FBXW7: variants seen among roughly 807,000 people sequenced by gnomAD.
FBXW7 encodes F-box and WD repeat domain containing 7, also known as F-box/WD repeat-containing protein 7.
A neutral mutation model predicts 86.3 loss-of-function variants in FBXW7; 11 were observed. That is an observed-to-expected ratio of 0.13 (90% CI 0.08 to 0.21). The LOEUF (loss-of-function observed/expected upper bound fraction) is 0.21, where lower values mean the gene tolerates loss of function less well. Among genes scored for constraint, FBXW7 ranks in the 10% least tolerant of loss-of-function variants. The pLI is 1.00. For synonymous variants in FBXW7, 313 were observed against 297.9 expected (o/e 1.05, Z -0.52); for missense variants, 488 against 847.4 (o/e 0.58, Z 5.27).
chr4:152,346,768 T>C (rs1000947637), intron 6 of FBXW7, 162 bp downstream of exon 6: 19 of 855,798 alleles, frequency 2.2e-5, no homozygotes, highest in Admixed American at 5.7e-5. Flanking sequence ...AGAATCAACA[T>C]GTGGCCTTTT....
chr4:152,403,332 G>A (rs975741065), intron 4 of FBXW7, among the ~76,000 whole-genome samples: 1 of 152,038 alleles, frequency 6.6e-6, no homozygotes, highest in Non-Finnish European at 1.5e-5. Flanking sequence ...ACAAAAATTA[G>A]CTGGACGTGG....
At chr4:152,425,922 TG>T (rs1158028766) in intron 2 of FBXW7, among the ~76,000 whole-genome samples, 1 of 152,134 alleles carries the variant, frequency 6.6e-6, no homozygotes, top group Non-Finnish European at 1.5e-5. Context: ...CACACAAAAA[TG>T]GACAGTCAGG....
intron 4 of FBXW7, among the ~76,000 whole-genome samples, chr4:152,364,621 T>G (rs528502904): frequency 6.6e-6 from 1 of 152,154 alleles, no homozygotes; most frequent in Non-Finnish European, 1.5e-5. Flanking sequence ...TACACAGGAT[T>G]TTCCATCTGA....
At chr4:152,499,100 T>A (rs1216314840) in intron 2 of FBXW7, among the ~76,000 whole-genome samples, 1 of 151,924 alleles carries the variant, frequency 6.6e-6, no homozygotes, top group Admixed American at 6.6e-5. Context: ...CCAGGAAAAA[T>A]ACCTAAGTCT....
intron 4 of FBXW7, among the ~76,000 whole-genome samples, chr4:152,396,548 C>T (rs1736432514): frequency 6.6e-6 from 1 of 151,990 alleles, no homozygotes; most frequent in African/African-American, 2.4e-5. Context: ...GTCTTCAATC[C>T]ATCAATAGCA....
intron 2 of FBXW7, among the ~76,000 whole-genome samples, chr4:152,474,840 A>G (rs1460142735): frequency 6.6e-6 from 1 of 151,916 alleles, no homozygotes; most frequent in Non-Finnish European, 1.5e-5. Flanking sequence ...TAATTTTTGT[A>G]TTTTCAGTAG....
intron 2 of FBXW7, among the ~76,000 whole-genome samples, chr4:152,514,757 A>G (rs1209919754): frequency 6.6e-6 from 1 of 152,122 alleles, no homozygotes; most frequent in African/African-American, 2.4e-5. Context: ...TGAAGCCCTC[A>G]CCAGAAAGCA....
In FBXW7 at chr4:152,535,567, G is replaced by C. The variant is rs1750464855; in HGVS notation, c.-653C>G. On this transcript the variant is annotated 5_prime_UTR_variant, in exon 1 of 14. Coordinates refer to ENST00000281708, the MANE Select transcript of FBXW7 (RefSeq NM_001349798.2). ...CCGGGGCAAGATGCTACGGCCCCGG[G>C]CGGGTGGCCGAGTCGGCGGCAAGGC... 1 of 396,556 alleles carries C rather than the reference G, an allele frequency of 2.5e-6. No homozygotes were observed. Among genetic ancestry groups the C allele is most frequent in the Admixed American group, 4.4e-5 (1 of 22,652 alleles). 24.6% of individuals were successfully genotyped at this position (396,556 alleles called of 1,614,324 possible).
At chr4:152,526,486 G>C (rs935136110) in intron 2 of FBXW7, among the ~76,000 whole-genome samples, 4 of 151,874 alleles carry the variant, frequency 2.6e-5, no homozygotes, top group African/African-American at 9.7e-5. Flanking sequence ...ACAAAAAAAG[G>C]AATTTTTAAA....
At chr4:152,446,137 C>T (rs1055881968) in intron 2 of FBXW7, among the ~76,000 whole-genome samples, 1 of 152,052 alleles carries the variant, frequency 6.6e-6, no homozygotes, top group African/African-American at 2.4e-5. Context: ...TGAATAAACT[C>T]CCTAATGACA....
At chr4:152,352,652 T>A (rs929223130) in intron 4 of FBXW7, 1 of 1,613,682 alleles carries the variant, frequency 6.2e-7, no homozygotes, top group Non-Finnish European at 8.5e-7. Flanking sequence ...AAAGGAAGAT[T>A]AGGGAGCAGA....
At chr4:152,498,617 C>T (rs574049638) in intron 2 of FBXW7, among the ~76,000 whole-genome samples, 9 of 152,154 alleles carry the variant, frequency 5.9e-5, no homozygotes, top group South Asian at 2.1e-4. Context: ...TCATTTAGTG[C>T]GGAAGCTAAG....
intron 2 of FBXW7, among the ~76,000 whole-genome samples, chr4:152,517,839 T>C (rs1748638047): frequency 6.6e-6 from 1 of 152,216 alleles, no homozygotes; most frequent in African/African-American, 2.4e-5. Context: ...TGTCAGAGGA[T>C]ACTAATGAGC....
intron 4 of FBXW7, among the ~76,000 whole-genome samples, chr4:152,378,124 T>A (rs949759984): frequency 2.0e-4 from 30 of 152,246 alleles, no homozygotes; most frequent in African/African-American, 7.2e-4. Context: ...GCCTAAAATA[T>A]TTACTGGCCC....
chr4:152,335,602 A>G (rs1729996367), intron 7 of FBXW7, among the ~76,000 whole-genome samples: 1 of 152,222 alleles, frequency 6.6e-6, no homozygotes, highest in Non-Finnish European at 1.5e-5. Flanking sequence ...CTTCTGCCAG[A>G]GAAAAGCTCT....
intron 2 of FBXW7, among the ~76,000 whole-genome samples, chr4:152,457,702 T>A (rs1742560751): frequency 7.2e-6 from 1 of 139,144 alleles, no homozygotes; most frequent in Non-Finnish European, 1.6e-5. Flanking sequence ...CATTAAAAAA[T>A]TAGAAGATTA....
intron 2 of FBXW7, among the ~76,000 whole-genome samples, chr4:152,468,328 C>T (rs967360735): frequency 6.6e-6 from 1 of 152,010 alleles, no homozygotes; most frequent in Non-Finnish European, 1.5e-5. Flanking sequence ...AGAATGTTCA[C>T]AGAAAAGCGC....
At chr4:152,493,411 C>A (rs769228275) in intron 2 of FBXW7, among the ~76,000 whole-genome samples, 1 of 152,040 alleles carries the variant, frequency 6.6e-6, no homozygotes, top group South Asian at 2.1e-4. Flanking sequence ...GTGATCCACC[C>A]GCCTCGGCCT....
intron 2 of FBXW7, among the ~76,000 whole-genome samples, chr4:152,529,112 A>C (rs1188661088): frequency 6.6e-6 from 1 of 152,214 alleles, no homozygotes; most frequent in Non-Finnish European, 1.5e-5. Context: ...GTCCACTCAA[A>C]GTATCAACAA....
Sources: gnomAD v4.1 joint callset for allele counts (sites outside exome capture counted in the v4.1 genomes callset) on GRCh38, gnomAD v4.1.1 for gene constraint, MANE v1.5 for transcripts, NCBI Gene and HGNC (gene_info 2026-07-23, HGNC 2026-07-21) for gene names.